The following UBFD1 variants were observed in gnomAD, a reference collection of about 807,000 sequenced individuals.
UBFD1 encodes the protein ubiquitin family domain containing 1.
Under a neutral mutation model 35.1 loss-of-function variants are expected in UBFD1, and 12 were observed. The observed-to-expected ratio is 0.34, with a 90% confidence interval of 0.22 to 0.55. The LOEUF (loss-of-function observed/expected upper bound fraction) is 0.55. Ranked by LOEUF, UBFD1 falls within the 20% of genes least tolerant of loss-of-function variation. The probability of loss-of-function intolerance (pLI) is 0.89; values close to 1 mark genes in which losing one functional copy is unlikely to be tolerated. For missense variants in UBFD1, 337 were observed against 410.8 expected (o/e 0.82, Z 1.55); for synonymous variants, 178 against 167.6 (o/e 1.06, Z -0.48).
At chr16:23,562,844 C>G (rs760013633) in intron 5 of UBFD1, 114 bp downstream of exon 5, 9 of 890,352 alleles carry the variant, frequency 1.0e-5, no homozygotes, top group Non-Finnish European at 1.6e-5. Flanking sequence ...CTCCACTGTG[C>G]TTTGCTTGCT....
intron 1 of UBFD1, 91 bp from the exon 2 acceptor site, chr16:23,557,859 C>T: frequency 5.5e-6 from 7 of 1,273,324 alleles, no homozygotes; most frequent in South Asian, 6.9e-5. Flanking sequence ...GGGAGAACCG[C>T]GGCTCGGGAA....
intron 5 of UBFD1, among the ~76,000 whole-genome samples, chr16:23,563,510 G>A (rs1965968682): frequency 2.0e-5 from 3 of 152,122 alleles, no homozygotes; most frequent in Admixed American, 2.0e-4. Flanking sequence ...ACACTGTTGT[G>A]CCAGTTAAAG....
rs1966102029 is a variant in UBFD1 at position 23,572,733 on chromosome 16, T to G, written c.*2143T>G. The stretch of plus-strand genomic sequence containing the variant: ...CATTTCAGGAGGACCAAAGCCTGCG[T>G]GAGCCTTTTTATTTTCAGTAAAATG... On this transcript the variant is annotated 3_prime_UTR_variant, in exon 7 of 7. Transcript: ENST00000395878. 1 of 153,640 alleles carries G rather than the reference T, an allele frequency of 6.5e-6. No homozygotes were observed. The highest frequency in any genetic ancestry group is 1.5e-5 in the Non-Finnish European group (1 of 68,052). 9.5% of individuals were successfully genotyped at this position (153,640 alleles called of 1,614,324 possible).
At chr16:23,563,636 G>A (rs75745227) in intron 5 of UBFD1, among the ~76,000 whole-genome samples, 2,038 of 152,210 alleles carry the variant, frequency 0.013, 18 homozygotes, top group South Asian at 0.02. Flanking sequence ...CTGGGTACCC[G>A]TGCTCAAGGA....
Position 23,558,014 on chromosome 16 carries a change from C to T in UBFD1, c.90C>T (p.Pro30=). The T allele has an allele frequency of 2.9e-6, 4 of 1,358,958 alleles. No homozygotes were observed. Among genetic ancestry groups the T allele is most frequent in the Non-Finnish European group, 3.8e-6 (4 of 1,059,978 alleles). The allele number at this position is 1,358,958 out of a possible 1,614,324, so 84.2% of individuals were successfully genotyped here. ...ETVATEAPAR[P]VNCLEAEAAA... ...TGGCTACTGAGGCTCCCGCGCGGCC[C>T]GTCAACTGCCTGGAGGCTGAAGCCG... The change falls in exon 2 of 7, where the codon CCC becomes CCT. Residue 30 remains proline (P), a synonymous_variant. Coordinates refer to ENST00000395878, the MANE Select transcript of UBFD1 (RefSeq NM_019116.3).
In UBFD1 at chr16:23,572,435, A is replaced by G. The variant is rs1247567129; in HGVS notation, c.*1845A>G. The G allele has an allele frequency of 6.6e-6, 1 of 152,394 alleles. No individual in the cohort carries two copies. Among genetic ancestry groups the G allele is most frequent in the East Asian group, 1.9e-4 (1 of 5,198 alleles). 9.4% of individuals were successfully genotyped at this position (152,394 alleles called of 1,614,324 possible). ...GGAAATGAGATGCATTAAGTAGAAC[A>G]TCATCTCGGGTCAGACATTGCCCCT... is the stretch of plus-strand genomic sequence containing the variant. On this transcript the variant is annotated 3_prime_UTR_variant, in exon 7 of 7. Transcript: ENST00000395878.
At chr16:23,559,730 G>C in intron 3 of UBFD1, 54 bp downstream of exon 3, 1 of 1,609,464 alleles carries the variant, frequency 6.2e-7, no homozygotes. Context: ...TTGTCCTCTT[G>C]AGCCGTGGCT....
chr16:23,557,750 C>T lies in UBFD1; in HGVS notation c.8C>T (p.Ala3Val), dbSNP rs1378818501. The T allele has an allele frequency of 2.3e-6, 3 of 1,309,006 alleles. No homozygotes were observed. Among genetic ancestry groups the T allele is most frequent in the South Asian group, 2.9e-5 (1 of 34,238 alleles). 81.1% of individuals were successfully genotyped at this position (1,309,006 alleles called of 1,614,324 possible). A position where few individuals can be genotyped will look rare whatever the true frequency, so the allele number is the denominator to read the frequency against. Residue 3 changes from alanine (A) to valine (V), a missense_variant, in exon 1 of 7, where the codon GCG becomes GTG. Ala to Val is a moderately conservative substitution (Grantham distance 64, BLOSUM62 0). Transcript: ENST00000395878. MA[A>V]AGAPDGMEEP... Reference sequence around the variant, plus strand: ...GTGTTGTACACAATCATCATGGCGGCGGCCGGGGCCCCGGATGGTGAGTGC... The same window carrying T: ...GTGTTGTACACAATCATCATGGCGGTGGCCGGGGCCCCGGATGGTGAGTGC...
intron 6 of UBFD1, among the ~76,000 whole-genome samples, chr16:23,568,142 T>G (rs1054512793): frequency 6.6e-6 from 1 of 150,688 alleles, no homozygotes; most frequent in Admixed American, 6.6e-5. Context: ...CTTCCACCCC[T>G]ACTCTCTCTG....
In UBFD1 at chr16:23,572,161, G is replaced by C. The variant is rs1399637975; in HGVS notation, c.*1571G>C. ...TTCAGGAATCCAGCCCACATAGACA[G>C]ACTCTTGCTTTCCATGGTGTAGTCA... On this transcript the variant is annotated 3_prime_UTR_variant, in exon 7 of 7. Transcript: ENST00000395878. The C allele has an allele frequency of 6.6e-6, 1 of 152,662 alleles. No individual in the cohort carries two copies. The highest frequency in any genetic ancestry group is 2.4e-5 in the African/African-American group (1 of 41,456). 9.5% of individuals were successfully genotyped at this position (152,662 alleles called of 1,614,324 possible). A position where few individuals can be genotyped will look rare whatever the true frequency, so the allele number is the denominator to read the frequency against.
At chr16:23,564,133 G>A (rs1445226456) in intron 5 of UBFD1, 1 of 152,152 alleles carries the variant, frequency 6.6e-6, no homozygotes, top group East Asian at 1.9e-4. Context: ...AGAAGTATAG[G>A]GGGTCCCATC....
chr16:23,572,031 C>T lies in UBFD1; in HGVS notation c.*1441C>T, dbSNP rs1966091765. ...CATCACATTTTGGATTCTAGGCTGT[C>T]ACCCCTCATTCTGTGAAACGTATTA... On this transcript the variant is annotated 3_prime_UTR_variant, in exon 7 of 7. Transcript: ENST00000395878. The T allele has an allele frequency of 1.3e-5, 2 of 152,650 alleles. No homozygotes were observed. Among genetic ancestry groups the T allele is most frequent in the South Asian group, 4.1e-4 (2 of 4,830 alleles). 9.5% of individuals were successfully genotyped at this position (152,650 alleles called of 1,614,324 possible).
In UBFD1 at chr16:23,573,004, C is replaced by G. The variant is rs544732226; in HGVS notation, c.*2414C>G. 1 of 152,244 alleles carries G rather than the reference C, an allele frequency of 6.6e-6. No homozygotes were observed. The highest frequency in any genetic ancestry group is 1.5e-5 in the Non-Finnish European group (1 of 68,046). 9.4% of individuals were successfully genotyped at this position (152,244 alleles called of 1,614,324 possible). On this transcript the variant is annotated 3_prime_UTR_variant, in exon 7 of 7. Transcript: ENST00000395878. ...CGTGTCTGGGCCACAGTAGTATTCACTGTTTAGTCTTTGAGTTCCGTAAGC... is the reference window on the plus strand; with the variant it reads ...CGTGTCTGGGCCACAGTAGTATTCAGTGTTTAGTCTTTGAGTTCCGTAAGC...
intron 6 of UBFD1, among the ~76,000 whole-genome samples, chr16:23,568,511 CAGTT>C (rs1966041556): frequency 6.6e-6 from 1 of 151,222 alleles, no homozygotes; most frequent in African/African-American, 2.4e-5. Flanking sequence ...TTGGCCTGGT[CAGTT>C]ATTTTTTTCT....
intron 3 of UBFD1, chr16:23,561,823 ATTT>A (rs5816219): frequency 5.3e-4 from 76 of 142,626 alleles, no homozygotes; most frequent in East Asian, 1.2e-3. Context: ...TTCAGTGGTG[ATTT>A]TTTTTTTTTT....
intron 6 of UBFD1, 33 bp downstream of exon 6, chr16:23,567,102 A>G (rs750870992): frequency 1.9e-6 from 3 of 1,593,102 alleles, no homozygotes; most frequent in South Asian, 2.2e-5. Flanking sequence ...AGCCCCTCTC[A>G]CTAGACTCCC....
intron 5 of UBFD1, chr16:23,564,180 G>C (rs968851268): frequency 3.3e-5 from 5 of 152,198 alleles, no homozygotes; most frequent in Admixed American, 2.6e-4. Context: ...AGACCATTTA[G>C]TGAGACTCCA....
chr16:23,559,695 T>C lies in UBFD1; in HGVS notation c.564+19T>C. ...GCAGAAAGTGAGTCCATCTTGTGCT[T>C]CTTGGTCTTGAGAAATTTGAGGCTT... is the stretch of plus-strand genomic sequence containing the variant. On this transcript the variant is annotated intron_variant, in intron 3 of 6. Transcript: ENST00000395878. The C allele has an allele frequency of 6.2e-7, 1 of 1,613,932 alleles. No individual in the cohort carries two copies. The highest frequency in any genetic ancestry group is 8.5e-7 in the Non-Finnish European group (1 of 1,179,868).
At chr16:23,558,437 A>G (rs1418752151) in intron 2 of UBFD1, among the ~76,000 whole-genome samples, 158 bp downstream of exon 2, 1 of 152,192 alleles carries the variant, frequency 6.6e-6, no homozygotes, top group Non-Finnish European at 1.5e-5. Flanking sequence ...AGCTGGGGAA[A>G]GAGACTCAAG....
Sources: allele counts gnomAD v4.1 joint callset (sites outside exome capture counted in the v4.1 genomes callset), GRCh38; gene constraint gnomAD v4.1.1; transcripts MANE v1.5; gene names NCBI Gene and HGNC (gene_info 2026-07-23, HGNC 2026-07-21).